The following PLXNA4 variants were observed in gnomAD, a reference collection of about 807,000 sequenced individuals.
PLXNA4 encodes the protein plexin-A4.
A neutral mutation model predicts 191.8 loss-of-function variants in PLXNA4; 44 were observed. That is an observed-to-expected ratio of 0.23 (90% CI 0.18 to 0.29). The LOEUF is 0.29. PLXNA4 is among the 10% of genes least tolerant of loss of function. The pLI is 1.00. For missense variants in PLXNA4, 1,800 were observed against 2,488.8 expected, an observed-to-expected ratio of 0.72 and a Z score of 5.89; for synonymous variants, 1,082 against 1,009.5, an observed-to-expected ratio of 1.07 and a Z score of -1.36.
At chr7:132,563,009 CCT>C (rs1303728354) in intron 1 of PLXNA4, among the ~76,000 whole-genome samples, 1 of 116,838 alleles carries the variant, frequency 8.6e-6, no homozygotes, top group Non-Finnish European at 1.8e-5. Context: ...TCCTTCTCCT[CCT>C]CTTTCTCTTC....
intron 2 of PLXNA4, among the ~76,000 whole-genome samples, chr7:132,613,255 C>T: frequency 6.6e-6 from 1 of 152,130 alleles, no homozygotes; most frequent in Non-Finnish European, 1.5e-5. Flanking sequence ...CAGCCTGGGC[C>T]TCCTCTCCTC....
chr7:132,384,468 T>G (rs1345942706), intron 3 of PLXNA4: 1 of 985,688 alleles, frequency 1.0e-6, no homozygotes, highest in Admixed American at 6.1e-5. Flanking sequence ...ATAGTGGCCA[T>G]GCAGGAGACA....
chr7:132,621,364 G>A (rs952287990), intron 2 of PLXNA4, among the ~76,000 whole-genome samples: 4 of 150,744 alleles, frequency 2.7e-5, no homozygotes, highest in African/African-American at 7.3e-5. Context: ...TGGTTCAAGC[G>A]ATTCTCCTGC....
At chr7:132,374,632 A>G (rs1804583005) in intron 3 of PLXNA4, among the ~76,000 whole-genome samples, 1 of 152,200 alleles carries the variant, frequency 6.6e-6, no homozygotes, top group African/African-American at 2.4e-5. Flanking sequence ...ACGATTGCCA[A>G]AGAGTCACCA....
At chr7:132,495,664 A>G (rs938123471) in intron 2 of PLXNA4, among the ~76,000 whole-genome samples, 1 of 152,134 alleles carries the variant, frequency 6.6e-6, no homozygotes, top group African/African-American at 2.4e-5. Flanking sequence ...GCCCTTCCTG[A>G]ATGGAAAAGT....
intron 3 of PLXNA4, among the ~76,000 whole-genome samples, chr7:132,474,830 A>T (rs1382585691): frequency 6.6e-6 from 1 of 152,178 alleles, no homozygotes; most frequent in Non-Finnish European, 1.5e-5. Flanking sequence ...TTTTTTAAAC[A>T]CAGAAAGTCT....
intron 4 of PLXNA4, among the ~76,000 whole-genome samples, chr7:132,247,902 A>C (rs2117065131): frequency 6.6e-6 from 1 of 152,362 alleles, no homozygotes; most frequent in African/African-American, 2.4e-5. Context: ...ACAGGTAAGA[A>C]AGGCAGATGC....
intron 3 of PLXNA4, among the ~76,000 whole-genome samples, chr7:132,365,545 A>C (rs868426877): frequency 6.6e-6 from 1 of 152,108 alleles, no homozygotes; most frequent in African/African-American, 2.4e-5. Context: ...GGTTCAATGG[A>C]TCCATCATTC....
At chr7:132,159,410 G>A (rs563957981) in intron 25 of PLXNA4, 63 bp downstream of exon 25, 1 of 1,589,628 alleles carries the variant, frequency 6.3e-7, no homozygotes, top group Admixed American at 1.7e-5. Context: ...CTGCTGACAG[G>A]AGAAGGTGAG....
chr7:132,418,156 T>G (rs1420530530), intron 3 of PLXNA4, among the ~76,000 whole-genome samples: 1 of 152,186 alleles, frequency 6.6e-6, no homozygotes, highest in Admixed American at 6.5e-5. Context: ...TTCTTGTTGC[T>G]GCTGTATGTT....
chr7:132,161,455 C>T (rs1795946027), intron 24 of PLXNA4, among the ~76,000 whole-genome samples: 1 of 152,222 alleles, frequency 6.6e-6, no homozygotes, highest in African/African-American at 2.4e-5. Flanking sequence ...CAAGCTGCCT[C>T]ATGATTTCTC....
chr7:132,210,267 G>A (rs1159053877), intron 10 of PLXNA4, among the ~76,000 whole-genome samples: 1 of 152,210 alleles, frequency 6.6e-6, no homozygotes, highest in African/African-American at 2.4e-5. Flanking sequence ...GCGAAGGGAA[G>A]TCAGGAAAGG....
intron 3 of PLXNA4, chr7:132,385,442 G>C (rs1218070442): frequency 1.6e-6 from 2 of 1,246,068 alleles, no homozygotes; most frequent in African/African-American, 3.1e-5. Context: ...AATGTATTAA[G>C]AGCCTCAATA....
chr7:132,442,950 T>C (rs1031088250), intron 3 of PLXNA4, among the ~76,000 whole-genome samples: 12 of 152,152 alleles, frequency 7.9e-5, no homozygotes, highest in African/African-American at 1.7e-4. Context: ...TAGGGTCCTA[T>C]TGGTTGCTGA....
intron 1 of PLXNA4, among the ~76,000 whole-genome samples, chr7:132,560,886 C>T (rs1342702017): frequency 6.6e-6 from 1 of 152,166 alleles, no homozygotes; most frequent in Non-Finnish European, 1.5e-5. Flanking sequence ...GCCCCTTTCT[C>T]TCCTTTGCCA....
chr7:132,597,286 T>C (rs1802729105), intron 2 of PLXNA4, among the ~76,000 whole-genome samples: 1 of 152,206 alleles, frequency 6.6e-6, no homozygotes, highest in Non-Finnish European at 1.5e-5. Flanking sequence ...TGTTGTCTTC[T>C]CTATAAGGCC....
At chr7:132,299,732 C>A (rs530665194) in intron 3 of PLXNA4, among the ~76,000 whole-genome samples, 1 of 152,292 alleles carries the variant, frequency 6.6e-6, no homozygotes, top group South Asian at 2.1e-4. Flanking sequence ...TGAACCCACT[C>A]CTTGCTTCCC....
chr7:132,472,283 TC>T (rs1440686010), intron 3 of PLXNA4, among the ~76,000 whole-genome samples: 2 of 152,266 alleles, frequency 1.3e-5, no homozygotes, highest in African/African-American at 4.8e-5. Context: ...CTTTTCTCGC[TC>T]AGAAATATTT....
intron 3 of PLXNA4, among the ~76,000 whole-genome samples, chr7:132,377,422 G>GGA (rs948730306): frequency 2.3e-5 from 2 of 86,478 alleles, no homozygotes; most frequent in African/African-American, 8.2e-5. Flanking sequence ...AAATGAAAAA[G>GGA]AAAAAAAAAA....
Sources: allele counts gnomAD v4.1 joint callset (sites outside exome capture counted in the v4.1 genomes callset), GRCh38; gene constraint gnomAD v4.1.1; transcripts MANE v1.5; gene names NCBI Gene and HGNC (gene_info 2026-07-23, HGNC 2026-07-21).